The following CCSER1 variants were observed in gnomAD, a reference collection of about 807,000 sequenced individuals.
CCSER1 encodes serine-rich coiled-coil domain-containing protein 1.
Under a neutral mutation model 82.0 loss-of-function variants are expected in CCSER1, and 41 were observed. That is an observed-to-expected ratio of 0.50 (90% CI 0.39 to 0.65). CCSER1 has a LOEUF of 0.65. Ranked by LOEUF, CCSER1 falls within the 30% of genes least tolerant of loss-of-function variation. The probability of loss-of-function intolerance (pLI) is 0.00; values close to 1 mark genes in which losing one functional copy is unlikely to be tolerated. For missense variants in CCSER1, 1,119 were observed against 1,064.2 expected (o/e 1.05, Z -0.72); for synonymous variants, 414 against 383.9 (o/e 1.08, Z -0.92).
At chr4:90,698,804 A>T (rs1737470569) in intron 6 of CCSER1, among the ~76,000 whole-genome samples, 1 of 152,172 alleles carries the variant, frequency 6.6e-6, no homozygotes, top group Admixed American at 6.5e-5. Context: ...ACGGTTTGTA[A>T]ACCAACTCAA....
chr4:90,921,675 A>G (rs1026328468), intron 8 of CCSER1, among the ~76,000 whole-genome samples: 3 of 152,028 alleles, frequency 2.0e-5, no homozygotes, highest in African/African-American at 7.2e-5. Flanking sequence ...AGCCCTTGAA[A>G]TAGAAATGTG....
At chr4:91,228,235 A>G (rs1738359630) in intron 10 of CCSER1, among the ~76,000 whole-genome samples, 2 of 152,252 alleles carry the variant, frequency 1.3e-5, no homozygotes, top group Non-Finnish European at 2.9e-5. Flanking sequence ...AATTTTGAAT[A>G]TAATAATTAT....
intron 10 of CCSER1, among the ~76,000 whole-genome samples, chr4:91,590,609 T>C (rs1169822821): frequency 6.6e-6 from 1 of 152,162 alleles, no homozygotes; most frequent in Non-Finnish European, 1.5e-5. Flanking sequence ...TTAATGATTG[T>C]ACTTGAGAAA....
intron 10 of CCSER1, among the ~76,000 whole-genome samples, chr4:91,259,232 A>G (rs1353668981): frequency 6.6e-6 from 1 of 152,188 alleles, no homozygotes; most frequent in Non-Finnish European, 1.5e-5. Flanking sequence ...GGGATTTAGC[A>G]GATTTGTCGC....
At chr4:91,162,561 G>A (rs758500140) in intron 10 of CCSER1, among the ~76,000 whole-genome samples, 26 of 152,188 alleles carry the variant, frequency 1.7e-4, no homozygotes, top group East Asian at 5.8e-4. Flanking sequence ...GTCTGGTCCC[G>A]GACTTTTTTT....
At chr4:91,162,423 A>G (rs1475969037) in intron 10 of CCSER1, among the ~76,000 whole-genome samples, 2 of 152,204 alleles carry the variant, frequency 1.3e-5, no homozygotes, top group Non-Finnish European at 2.9e-5. Context: ...AGGCTTTGGT[A>G]TCAGGATGAT....
At chr4:90,558,854 G>C (rs1480820663) in intron 5 of CCSER1, among the ~76,000 whole-genome samples, 1 of 152,198 alleles carries the variant, frequency 6.6e-6, no homozygotes, top group Non-Finnish European at 1.5e-5. Flanking sequence ...AGCATGAACA[G>C]ATTTCAGGTT....
intron 10 of CCSER1, among the ~76,000 whole-genome samples, chr4:91,315,217 G>C (rs1009838290): frequency 2.6e-5 from 4 of 151,750 alleles, no homozygotes; most frequent in Non-Finnish European, 5.9e-5. Context: ...TCAGGAGGCA[G>C]ACAAAGAGTA....
intron 9 of CCSER1, among the ~76,000 whole-genome samples, chr4:90,936,560 C>T (rs1296651142): frequency 6.6e-6 from 1 of 151,996 alleles, no homozygotes; most frequent in African/African-American, 2.4e-5. Flanking sequence ...ATTTTCATTA[C>T]ATGTGTGTCT....
chr4:91,134,314 T>C (rs1389031659), intron 10 of CCSER1, among the ~76,000 whole-genome samples: 2 of 151,844 alleles, frequency 1.3e-5, no homozygotes, highest in Non-Finnish European at 2.9e-5. Flanking sequence ...AAAGGATCAC[T>C]TGAGCCCAGG....
intron 7 of CCSER1, among the ~76,000 whole-genome samples, chr4:90,738,580 T>G (rs1423763749): frequency 1.3e-5 from 2 of 152,114 alleles, no homozygotes; most frequent in Non-Finnish European, 2.9e-5. Flanking sequence ...AACACAGCAC[T>G]GTGTCTTCCC....
intron 6 of CCSER1, among the ~76,000 whole-genome samples, chr4:90,675,544 C>T (rs1242432805): frequency 1.3e-5 from 2 of 151,492 alleles, no homozygotes; most frequent in East Asian, 3.9e-4. Flanking sequence ...TATGGGTAGA[C>T]CAATTTTTTT....
intron 9 of CCSER1, among the ~76,000 whole-genome samples, chr4:90,950,510 A>G (rs909784344): frequency 9.9e-5 from 15 of 151,032 alleles, no homozygotes; most frequent in Admixed American, 7.3e-4. Context: ...ACACATACAC[A>G]CACACGTGCA....
intron 10 of CCSER1, among the ~76,000 whole-genome samples, chr4:91,446,511 T>A (rs115581721): frequency 0.013 from 1,924 of 151,754 alleles, 46 homozygotes; most frequent in African/African-American, 0.044. Flanking sequence ...TAAAACGACA[T>A]TTTTAAAAGT....
At chr4:90,198,288 C>A (rs1736978293) in intron 1 of CCSER1, among the ~76,000 whole-genome samples, 2 of 152,020 alleles carry the variant, frequency 1.3e-5, no homozygotes, top group Admixed American at 1.3e-4. Flanking sequence ...AATACTCCCC[C>A]ATCCTGAGGC....
intron 5 of CCSER1, among the ~76,000 whole-genome samples, chr4:90,501,090 TATAG>T (rs1769803825): frequency 6.6e-6 from 1 of 152,102 alleles, no homozygotes; most frequent in South Asian, 2.1e-4. Context: ...TAGAAAGTAA[TATAG>T]AAAGATAATA....
intron 9 of CCSER1, among the ~76,000 whole-genome samples, chr4:90,945,851 T>C (rs1225569440): frequency 6.6e-6 from 1 of 152,160 alleles, no homozygotes; most frequent in African/African-American, 2.4e-5. Flanking sequence ...TCAGGGGTTG[T>C]TCTAAAAGTT....
intron 9 of CCSER1, among the ~76,000 whole-genome samples, chr4:91,075,546 A>G (rs59725775): frequency 1.3e-5 from 2 of 152,178 alleles, no homozygotes; most frequent in Non-Finnish European, 2.9e-5. Flanking sequence ...ACCCATATGC[A>G]TACATATATA....
intron 9 of CCSER1, among the ~76,000 whole-genome samples, chr4:90,930,616 AAAAAGAAAAAGG>A (rs1240387208): frequency 2.0e-5 from 3 of 151,884 alleles, no homozygotes; most frequent in African/African-American, 7.3e-5. Context: ...CTGTCTCAAA[AAAAAGAAAAAGG>A]AAAAGAAAAA....
Sources: allele counts gnomAD v4.1 joint callset (sites outside exome capture counted in the v4.1 genomes callset), GRCh38; gene constraint gnomAD v4.1.1; transcripts MANE v1.5; gene names NCBI Gene and HGNC (gene_info 2026-07-23, HGNC 2026-07-21).